PTPRA: variants seen among roughly 807,000 people sequenced by gnomAD.
PTPRA encodes the protein receptor-type tyrosine-protein phosphatase alpha.
Under a neutral mutation model 104.8 loss-of-function variants are expected in PTPRA, and 25 were observed. The ratio of observed to expected loss-of-function variants is 0.24; its 90% CI spans 0.17 to 0.33. The LOEUF is 0.33. Ranked by LOEUF, PTPRA falls within the 10% of genes least tolerant of loss-of-function variation. PTPRA has a pLI of 1.00. For missense variants in PTPRA, 765 were observed against 1,015.3 expected, an observed-to-expected ratio of 0.75 and a Z score of 3.35; for synonymous variants, 323 against 368.9, an observed-to-expected ratio of 0.88 and a Z score of 1.43.
intron 1 of PTPRA, among the ~76,000 whole-genome samples, chr20:2,886,441 T>C (rs2146906577): frequency 6.6e-6 from 1 of 152,298 alleles, no homozygotes; most frequent in South Asian, 2.1e-4. Context: ...GGGTTTATTA[T>C]AGTATTTTCT....
chr20:2,864,692 T>G, the PTPRA span: 1 of 1,600,408 alleles, frequency 6.2e-7, no homozygotes, highest in Non-Finnish European at 8.5e-7. This position sits in a 1 kb window ranked among gnomAD's most constrained non-coding sequence, Gnocchi z 5.2. Context: ...GTGTGGGGCA[T>G]GTGGGCTGGG....
At chr20:3,007,020 A>G (rs932317870) in intron 10 of PTPRA, among the ~76,000 whole-genome samples, 6 of 152,154 alleles carry the variant, frequency 3.9e-5, no homozygotes, top group Non-Finnish European at 7.4e-5. Context: ...CATATTTTTT[A>G]ATATGATTGG....
chr20:2,864,291 AG>A, the PTPRA span: 1 of 1,614,084 alleles, frequency 6.2e-7, no homozygotes, highest in Non-Finnish European at 8.5e-7. This position sits in a 1 kb window ranked among gnomAD's most constrained non-coding sequence, Gnocchi z 5.2. Context: ...GACCTGGGTG[AG>A]GGCAAGGCTG....
chr20:2,908,922 A>G (rs577911149), intron 1 of PTPRA, among the ~76,000 whole-genome samples: 23 of 152,304 alleles, frequency 1.5e-4, no homozygotes, highest in Admixed American at 3.9e-4. Flanking sequence ...CAGTATGACA[A>G]TATGCATGTG....
At chr20:2,980,321 A>G (rs1411902503) in intron 6 of PTPRA, among the ~76,000 whole-genome samples, 3 of 151,388 alleles carry the variant, frequency 2.0e-5, no homozygotes, top group African/African-American at 7.3e-5. Context: ...TAATCCCAGC[A>G]CTTTGGGAGG....
At chr20:3,014,281 A>G (rs1304966956) in intron 11 of PTPRA, among the ~76,000 whole-genome samples, 5 of 152,328 alleles carry the variant, frequency 3.3e-5, no homozygotes, top group Middle Eastern at 3.4e-3. Flanking sequence ...TCTGAGGCCT[A>G]AAGCTTTCTC....
rs1376424880 is a variant in PTPRA at position 3,037,188 on chromosome 20, C to A, written c.2233C>A (p.Leu745Met). 1 of 1,614,096 alleles carries A rather than the reference C, an allele frequency of 6.2e-7. No homozygotes were observed. The highest frequency in any genetic ancestry group is 8.5e-7 in the Non-Finnish European group (1 of 1,180,042). Residue 745 changes from leucine to methionine, a missense_variant, in exon 23 of 24, where the codon CTG (leucine) becomes ATG (methionine). Physicochemically the swap from Leu to Met is conservative, Grantham distance 15. Transcript: ENST00000399903. The surrounding 1 kb of genome is among the most constrained non-coding windows in gnomAD (Gnocchi z 4.3). ...AGGAAGGACGGGGACCTTCTGTGCC[C>A]TGAGCACCGTCCTGGAGCGTGTGAA... ...GAGRTGTFCA[L>M]STVLERVKAE...
rs78716368 is a variant in PTPRA, at chr20:2,986,784, G to T, written c.462G>T (p.Ala154=). 7 of 1,612,658 alleles carry T rather than the reference G, an allele frequency of 4.3e-6. No homozygotes were observed. The highest frequency in any genetic ancestry group is 1.6e-4 in the Middle Eastern group (1 of 6,082). ...TTTCAGATGAGACACCAATTATTGCGGTGATGGTGGCCCTGTCCTCTCTGC... is the reference window on the plus strand; with the variant it reads ...TTTCAGATGAGACACCAATTATTGCTGTGATGGTGGCCCTGTCCTCTCTGC... ...KDRRDETPII[A]VMVALSSLLV... is the part of the protein sequence containing the mutation. The change falls in exon 7 of 24, where the codon GCG becomes GCT. Residue 154 remains alanine, a synonymous_variant. Transcript: ENST00000399903.
chr20:2,879,271 A>G (rs2089919717), intron 1 of PTPRA, among the ~76,000 whole-genome samples: 1 of 152,332 alleles, frequency 6.6e-6, no homozygotes, highest in East Asian at 1.9e-4. Context: ...GCTAACTTGA[A>G]TGTGCTCATG....
chr20:2,936,167 A>C (rs1048346357), intron 2 of PTPRA, among the ~76,000 whole-genome samples: 1 of 150,738 alleles, frequency 6.6e-6, no homozygotes, highest in Non-Finnish European at 1.5e-5. Context: ...CCTTATTTTT[A>C]ATTTTTTGAG....
the PTPRA span, chr20:2,864,467 G>A: frequency 6.2e-7 from 1 of 1,614,204 alleles, no homozygotes; most frequent in Non-Finnish European, 8.5e-7. The surrounding 1 kb of genome is among the most constrained non-coding windows in gnomAD (Gnocchi z 5.2). Context: ...CGACAGGTGT[G>A]TGTAGTGGGC....
chr20:2,895,007 T>G (rs1600074396), intron 1 of PTPRA, among the ~76,000 whole-genome samples: 1 of 145,356 alleles, frequency 6.9e-6, no homozygotes, highest in Non-Finnish European at 1.5e-5. Context: ...AAAAAAAAAG[T>G]AGTTTGTCTT....
rs190897107 is a variant in PTPRA, at chr20:3,037,178, C to T, written c.2223C>T (p.Thr741=). 6.2e-6 allele frequency: 10 copies of T among 1,614,182 alleles called. No homozygotes were observed. The African/African-American group carries it at 1.3e-4, about 22-fold the overall frequency. The change falls in exon 23 of 24, where the codon ACC becomes ACT. Residue 741 remains threonine (T), a synonymous_variant. Coordinates refer to ENST00000399903, the MANE Select transcript of PTPRA (RefSeq NM_001385305.1). The surrounding 1 kb of genome is among the most constrained non-coding windows in gnomAD (Gnocchi z 4.3). ...HCSAGAGRTG[T]FCALSTVLER... ...GCGCCGGGGCAGGAAGGACGGGGAC[C>T]TTCTGTGCCCTGAGCACCGTCCTGG...
chr20:3,022,279 A>G lies in PTPRA; in HGVS notation c.1328+59A>G, dbSNP rs2064915023. On this transcript the variant is annotated intron_variant, in intron 15 of 23. Coordinates refer to ENST00000399903, the MANE Select transcript of PTPRA (RefSeq NM_001385305.1). The surrounding 1 kb of genome is among the most constrained non-coding windows in gnomAD (Gnocchi z 4.6). ...CACATTTCGCCCCCATGGCCAGAGC[A>G]GGGGAACAGCACAAGGGCCCTGGCT... 1 of 1,581,826 alleles carries G rather than the reference A, an allele frequency of 6.3e-7. No individual in the cohort carries two copies. The highest frequency in any genetic ancestry group is 8.6e-7 in the Non-Finnish European group (1 of 1,158,014).
At chr20:2,929,568 T>TA (rs1327409053) in intron 2 of PTPRA, among the ~76,000 whole-genome samples, 1 of 152,162 alleles carries the variant, frequency 6.6e-6, no homozygotes, top group Non-Finnish European at 1.5e-5. Flanking sequence ...CTCATGTTTG[T>TA]AATCTTAGTA....
intron 1 of PTPRA, among the ~76,000 whole-genome samples, chr20:2,900,838 C>T (rs929216762): frequency 7.7e-6 from 1 of 130,460 alleles, no homozygotes; most frequent in African/African-American, 2.8e-5. Flanking sequence ...GCCTGAGCAA[C>T]AAGAGCGAAA....
chr20:2,954,289 G>A (rs1040386444), intron 3 of PTPRA, among the ~76,000 whole-genome samples: 8 of 152,034 alleles, frequency 5.3e-5, no homozygotes, highest in Non-Finnish European at 1.2e-4. Context: ...ATGTTGGCCA[G>A]GCTGGGCTCG....
intron 1 of PTPRA, among the ~76,000 whole-genome samples, chr20:2,875,185 T>G (rs1048532922): frequency 6.6e-6 from 1 of 152,188 alleles, no homozygotes; most frequent in African/African-American, 2.4e-5. Flanking sequence ...AAGGCCTGCT[T>G]GGAGTACATG....
At chr20:2,867,389 T>G in the PTPRA span, among the ~76,000 whole-genome samples, 2 of 152,156 alleles carry the variant, frequency 1.3e-5, no homozygotes, top group Non-Finnish European at 2.9e-5. Flanking sequence ...GATGGAAGAT[T>G]TCAATTCTGC....
Sources: gnomAD v4.1 joint callset for allele counts (sites outside exome capture counted in the v4.1 genomes callset) on GRCh38, gnomAD v4.1.1 for gene constraint, Gnocchi (gnomAD v3.1) non-coding constraint, MANE v1.5 for transcripts, NCBI Gene and HGNC (gene_info 2026-07-23, HGNC 2026-07-21) for gene names.